DNAH7: variants seen among roughly 807,000 people sequenced by gnomAD.
DNAH7 encodes the protein dynein axonemal heavy chain 7, also known as axonemal beta dynein heavy chain 7.
DNAH7 carries 397 observed loss-of-function variants against 444.6 expected under a neutral mutation model. The ratio of observed to expected loss-of-function variants is 0.89; its 90% CI spans 0.82 to 0.97. DNAH7 has a LOEUF of 0.97. Among genes scored for constraint, DNAH7 ranks in the 50% least tolerant of loss-of-function variants. DNAH7 has a pLI of 0.00. For missense variants in DNAH7, 4,902 were observed against 4,800.8 expected (o/e 1.02, Z -0.62); for synonymous variants, 1,636 against 1,624.4 (o/e 1.01, Z -0.17).
chr2:195,749,197 A>G (rs1412044520), intron 63 of DNAH7, among the ~76,000 whole-genome samples: 1 of 152,248 alleles, frequency 6.6e-6, no homozygotes, highest in African/African-American at 2.4e-5. Flanking sequence ...TTCTCAAAAG[A>G]AGACATTTAT....
rs1361788345 is a variant in DNAH7, at chr2:195,972,441, G to A, written c.1859C>T (p.Thr620Ile). The change falls in exon 16 of 65, where the codon ACT becomes ATT. Residue 620 changes from threonine to isoleucine, a missense_variant. Coordinates refer to ENST00000312428, the MANE Select transcript of DNAH7 (RefSeq NM_018897.3). ...TCTCTGTTCTAGTTCAATCATATCA[G>A]TTACCTCCACTTTCTGAATGTAAGC... ...MKAYIQKVEVTDMIELEQRLV... is the reference protein window; with the variant it reads ...MKAYIQKVEVIDMIELEQRLV... 1.2e-6 allele frequency: 2 copies of A among 1,613,982 alleles called. No individual in the cohort carries two copies. The highest frequency in any genetic ancestry group is 1.7e-5 in the Admixed American group (1 of 60,008).
At chr2:195,826,347 C>T (rs1191796424) in intron 48 of DNAH7, among the ~76,000 whole-genome samples, 1 of 152,140 alleles carries the variant, frequency 6.6e-6, no homozygotes, top group Non-Finnish European at 1.5e-5. Context: ...CATGCTGGCA[C>T]TGTATTTTCT....
At chr2:195,787,232 C>A (rs1695664594) in intron 57 of DNAH7, 61 bp from the exon 58 acceptor site, 1 of 1,499,544 alleles carries the variant, frequency 6.7e-7, no homozygotes, top group Non-Finnish European at 8.9e-7. Flanking sequence ...TTATATTTAC[C>A]ATATTTTAAA....
At chr2:195,999,400 G>A (rs1223757150) in intron 12 of DNAH7, among the ~76,000 whole-genome samples, 1 of 152,098 alleles carries the variant, frequency 6.6e-6, no homozygotes, top group Non-Finnish European at 1.5e-5. Flanking sequence ...CAAGGGTCTG[G>A]GGAGCACCTG....
intron 32 of DNAH7, among the ~76,000 whole-genome samples, 160 bp downstream of exon 32, chr2:195,888,639 C>T (rs1273647404): frequency 6.7e-6 from 1 of 148,600 alleles, no homozygotes; most frequent in East Asian, 1.9e-4. Context: ...CTAAATTAGT[C>T]AAGATATGTC....
chr2:196,016,809 T>C (rs1218374206), intron 9 of DNAH7, among the ~76,000 whole-genome samples: 1 of 152,154 alleles, frequency 6.6e-6, no homozygotes, highest in East Asian at 1.9e-4. Context: ...GGAGTGAAAC[T>C]TCATGCCCAA....
Position 195,918,869 on chromosome 2 carries a change from C to T in DNAH7, c.3935+3219G>A, listed in dbSNP as rs950184565. 2.0e-5 allele frequency among the ~76,000 whole-genome samples: 3 copies of T among 152,126 alleles called. No homozygotes were observed. The South Asian group carries it at 6.2e-4, about 32-fold the overall frequency. Reference sequence around the variant, plus strand: ...CACAGAACTCTACAACGCAGTAGACCCTGATATAAATTGTATAAATTGTGG... The same window carrying T: ...CACAGAACTCTACAACGCAGTAGACTCTGATATAAATTGTATAAATTGTGG... On this transcript the variant is annotated intron_variant, in intron 24 of 64. Coordinates refer to ENST00000312428, the MANE Select transcript of DNAH7 (RefSeq NM_018897.3).
In DNAH7 at chr2:195,832,544, G is replaced by A. The variant is rs550943997; in HGVS notation, c.9100+1662C>T. Among the ~76,000 whole-genome samples the A allele has an allele frequency of 5.3e-5, 8 of 151,792 alleles. 1 individual carries two copies. The South Asian group carries it at 1.7e-3, about 32-fold the overall frequency. ...TGCAGCCTTGACATCTTGGGCTTAA[G>A]CAATTCTCCCACCTCAGCCTCCTGA... On this transcript the variant is annotated intron_variant, in intron 48 of 64. Transcript: ENST00000312428.
intron 36 of DNAH7, among the ~76,000 whole-genome samples, chr2:195,880,330 CTTTT>C (rs1042876508): frequency 7.3e-6 from 1 of 136,664 alleles, no homozygotes; most frequent in Non-Finnish European, 1.6e-5. Context: ...CTTTCTTTTT[CTTTT>C]TTTTTTTTTT....
intron 63 of DNAH7, among the ~76,000 whole-genome samples, chr2:195,742,077 G>A (rs1693074511): frequency 6.6e-6 from 1 of 152,168 alleles, no homozygotes; most frequent in Admixed American, 6.5e-5. Flanking sequence ...CAAAGCACTT[G>A]TCCAATAACT....
chr2:195,913,003 T>C (rs766558209), intron 24 of DNAH7, among the ~76,000 whole-genome samples: 6 of 152,178 alleles, frequency 3.9e-5, no homozygotes, highest in Non-Finnish European at 7.3e-5. Flanking sequence ...ATGACACTTA[T>C]AATTAATATT....
chr2:196,049,385 T>C (rs755592459), intron 3 of DNAH7, among the ~76,000 whole-genome samples: 3 of 152,258 alleles, frequency 2.0e-5, no homozygotes, highest in South Asian at 2.1e-4. Flanking sequence ...TTAAAACTCA[T>C]AGAAGCGCTA....
At chr2:195,855,123 C>T (rs1250292663) in intron 45 of DNAH7, among the ~76,000 whole-genome samples, 3 of 152,146 alleles carry the variant, frequency 2.0e-5, no homozygotes, top group African/African-American at 7.2e-5. Flanking sequence ...ATCATTACTT[C>T]CCTCAAAAGG....
At position 195,916,586 on chromosome 2, in the gene DNAH7, A is replaced by G. The variant is rs1445164020; in HGVS notation, c.3935+5502T>C. ...TAAACAGAAACACCTGGCTGGGCAC[A>G]GTGGCCCACACCTGTAATCCCAGCA... On this transcript the variant is annotated intron_variant, in intron 24 of 64. Transcript: ENST00000312428. 2.6e-5 allele frequency among the ~76,000 whole-genome samples: 4 copies of G among 152,246 alleles called. No individual in the cohort carries two copies. In the East Asian group the frequency reaches 7.7e-4, roughly 29 times the overall value.
At chr2:196,004,957 T>C (rs1694268485) in intron 10 of DNAH7, among the ~76,000 whole-genome samples, 1 of 117,354 alleles carries the variant, frequency 8.5e-6, no homozygotes, top group African/African-American at 4.0e-5. Flanking sequence ...CATGAGGCCT[T>C]GTGTCAAAAA....
chr2:195,946,436 G>C (rs1689808730), intron 19 of DNAH7, among the ~76,000 whole-genome samples: 1 of 152,102 alleles, frequency 6.6e-6, no homozygotes, highest in South Asian at 2.1e-4. Flanking sequence ...TCAAGATGAA[G>C]TCCCTCAGCA....
In DNAH7 at chr2:195,809,872, C is replaced by G. The variant is rs771989435; in HGVS notation, c.9762-1G>C. On this transcript the variant is annotated splice_acceptor_variant, in intron 51 of 64. Transcript: ENST00000312428. LOFTEE classifies it high-confidence loss of function. ...AAAGTGATCCTTGAGAATCTGAAGC[C>G]TAAGGGTCAACAGAAAATAAAGGAA... 2 of 1,545,682 alleles carry G rather than the reference C, an allele frequency of 1.3e-6. No homozygotes were observed. The highest frequency in any genetic ancestry group is 1.7e-6 in the Non-Finnish European group (2 of 1,148,718).
intron 47 of DNAH7, 85 bp from the exon 48 acceptor site, chr2:195,834,445 T>G (rs1698231452): frequency 7.2e-7 from 1 of 1,389,246 alleles, no homozygotes. Context: ...AGGTCACTTT[T>G]TAAAAGTTTG....
chr2:195,745,977 A>G (rs1182557659), intron 63 of DNAH7, among the ~76,000 whole-genome samples: 1 of 152,252 alleles, frequency 6.6e-6, no homozygotes, highest in Non-Finnish European at 1.5e-5. Flanking sequence ...TCATAATGAC[A>G]CAATCAAATT....
Sources: allele counts gnomAD v4.1 joint callset (sites outside exome capture counted in the v4.1 genomes callset), GRCh38; gene constraint gnomAD v4.1.1; transcripts MANE v1.5; gene names NCBI Gene and HGNC (gene_info 2026-07-23, HGNC 2026-07-21).